Variants in GPHN observed in about 807,000 individuals in gnomAD.
GPHN encodes the protein gephyrin.
In GPHN, 17 loss-of-function variants were observed where a neutral mutation model predicts 95.5. The observed-to-expected ratio is 0.18, with a 90% CI of 0.12 to 0.27. The LOEUF (loss-of-function observed/expected upper bound fraction) is 0.27, where lower values mean the gene tolerates loss of function less well. Ranked by LOEUF, GPHN falls within the 10% of genes least tolerant of loss-of-function variation. GPHN has a pLI of 1.00. For missense variants in GPHN, 660 were observed against 978.1 expected, an observed-to-expected ratio of 0.67 and a Z score of 4.34; for synonymous variants, 320 against 322.5, an observed-to-expected ratio of 0.99 and a Z score of 0.08.
chr14:67,175,870 C>T (rs186403697), intron 21 of GPHN, among the ~76,000 whole-genome samples: 1,830 of 152,224 alleles, frequency 0.012, 18 homozygotes, highest in Non-Finnish European at 0.018. Flanking sequence ...CGTGATTTGG[C>T]TCTCTGTTTG....
chr14:67,361,735 T>A, the GPHN span, among the ~76,000 whole-genome samples: 5 of 152,372 alleles, frequency 3.3e-5, no homozygotes, highest in African/African-American at 1.2e-4. Context: ...TGATACTTTT[T>A]ACATCAGAAC....
the GPHN span, among the ~76,000 whole-genome samples, chr14:67,276,421 A>G: frequency 4.6e-5 from 7 of 152,124 alleles, no homozygotes; most frequent in Non-Finnish European, 5.9e-5. Flanking sequence ...TTGCCCTTTG[A>G]AATCCATTTC....
intron 9 of GPHN, among the ~76,000 whole-genome samples, chr14:67,007,888 TAAA>T (rs1005989978): frequency 9.9e-5 from 15 of 151,822 alleles, no homozygotes; most frequent in Non-Finnish European, 2.1e-4. Flanking sequence ...ATGGAGAAAA[TAAA>T]AAAGGGAGGA....
At chr14:67,338,992 C>CTTTT in the GPHN span, among the ~76,000 whole-genome samples, 5 of 131,154 alleles carry the variant, frequency 3.8e-5, no homozygotes, top group African/African-American at 8.4e-5. Flanking sequence ...AGACAGAAGC[C>CTTTT]TTTTTTTTTT....
intron 5 of GPHN, among the ~76,000 whole-genome samples, chr14:66,900,105 C>T (rs1178986332): frequency 1.3e-5 from 2 of 151,790 alleles, no homozygotes; most frequent in African/African-American, 2.4e-5. Context: ...TATTAATACG[C>T]CTGTTTCATT....
At chr14:67,201,070 A>G in the GPHN span, among the ~76,000 whole-genome samples, 6 of 152,196 alleles carry the variant, frequency 3.9e-5, no homozygotes, top group Non-Finnish European at 7.3e-5. Context: ...ACAAGGCAGG[A>G]GGATCGCTTG....
the GPHN span, among the ~76,000 whole-genome samples, chr14:67,381,026 G>C: frequency 6.6e-6 from 1 of 152,060 alleles, no homozygotes; most frequent in Non-Finnish European, 1.5e-5. Flanking sequence ...TGATTGTTTT[G>C]TTTTAGTGCA....
intron 1 of GPHN, among the ~76,000 whole-genome samples, chr14:66,562,867 G>T: frequency 6.6e-6 from 1 of 151,352 alleles, no homozygotes; most frequent in East Asian, 1.9e-4. Context: ...TTTTGTGTCT[G>T]TGTGTGTGTG....
intron 9 of GPHN, among the ~76,000 whole-genome samples, chr14:67,013,056 TTTG>T (rs773783356): frequency 1.2e-4 from 19 of 152,130 alleles, no homozygotes; most frequent in Admixed American, 1.0e-3. Flanking sequence ...CTTTATCAAT[TTTG>T]TTCATGTTTT....
chr14:66,912,833 G>A (rs1416364188), intron 5 of GPHN, among the ~76,000 whole-genome samples: 4 of 152,210 alleles, frequency 2.6e-5, no homozygotes, highest in South Asian at 2.1e-4. Flanking sequence ...CAAAGATTAT[G>A]TTAACCCTTT....
At chr14:67,522,371 C>G in the GPHN span, among the ~76,000 whole-genome samples, 4 of 152,194 alleles carry the variant, frequency 2.6e-5, no homozygotes, top group Non-Finnish European at 2.9e-5. Context: ...CTGGTCACCT[C>G]TCCTCTGTGC....
At chr14:66,592,894 C>A (rs1595143413) in intron 1 of GPHN, among the ~76,000 whole-genome samples, 1 of 152,284 alleles carries the variant, frequency 6.6e-6, no homozygotes, top group South Asian at 2.1e-4. Context: ...GACTTAGAAC[C>A]AACCCAAGTG....
intron 5 of GPHN, among the ~76,000 whole-genome samples, chr14:66,904,115 G>A (rs569724988): frequency 2.0e-5 from 3 of 152,196 alleles, no homozygotes; most frequent in East Asian, 1.9e-4. Flanking sequence ...CGGTGGGTTC[G>A]TGGTCTCGCT....
At chr14:67,674,318 T>C in the GPHN span, 8 of 1,446,712 alleles carry the variant, frequency 5.5e-6, no homozygotes, top group East Asian at 5.3e-5. Flanking sequence ...TGGGAGAATC[T>C]TCCTTCCAAA....
chr14:66,655,445 A>T (rs575752517), intron 1 of GPHN, among the ~76,000 whole-genome samples: 1 of 152,118 alleles, frequency 6.6e-6, no homozygotes, highest in African/African-American at 2.4e-5. Flanking sequence ...ATTTTCATAT[A>T]TCAGTCTTGT....
the GPHN span, among the ~76,000 whole-genome samples, chr14:67,274,713 A>G: frequency 9.8e-3 from 1,496 of 152,310 alleles, 9 homozygotes; most frequent in Non-Finnish European, 0.015. Flanking sequence ...TACCTTGGGC[A>G]GTATGGCCAT....
At chr14:67,391,269 ATATG>A in the GPHN span, among the ~76,000 whole-genome samples, 34 of 139,646 alleles carry the variant, frequency 2.4e-4, no homozygotes, top group African/African-American at 8.5e-4. Flanking sequence ...TAAGCAGCTG[ATATG>A]TGTGTGTGTG....
intron 1 of GPHN, among the ~76,000 whole-genome samples, chr14:66,588,923 C>T (rs1294735679): frequency 2.0e-5 from 3 of 152,034 alleles, no homozygotes; most frequent in Admixed American, 6.6e-5. Flanking sequence ...CCCCAAGACA[C>T]ATAATCGTCA....
At chr14:67,464,288 C>T in the GPHN span, among the ~76,000 whole-genome samples, 3 of 152,160 alleles carry the variant, frequency 2.0e-5, 1 homozygote, top group South Asian at 6.2e-4. Context: ...TACCTGGGAC[C>T]CCAGGCTCTC....
Sources: gnomAD v4.1 joint callset for allele counts (sites outside exome capture counted in the v4.1 genomes callset) on GRCh38, gnomAD v4.1.1 for gene constraint, MANE v1.5 for transcripts, NCBI Gene and HGNC (gene_info 2026-07-23, HGNC 2026-07-21) for gene names.